MCC: variants seen among roughly 807,000 people sequenced by gnomAD.
The protein encoded by MCC is colorectal mutant cancer protein.
A neutral mutation model predicts 116.2 loss-of-function variants in MCC; 90 were observed. The ratio of observed to expected loss-of-function variants is 0.77; its 90% CI spans 0.65 to 0.92. MCC has a LOEUF of 0.92. MCC is among the 40% of genes least tolerant of loss of function. MCC has a pLI of 0.00. For missense variants in MCC, 1,516 were observed against 1,312.2 expected, an observed-to-expected ratio of 1.16 and a Z score of -2.40; for synonymous variants, 578 against 510.5, an observed-to-expected ratio of 1.13 and a Z score of -1.78.
chr5:113,312,724 C>G (rs758440781), intron 3 of MCC, among the ~76,000 whole-genome samples: 6 of 152,176 alleles, frequency 3.9e-5, no homozygotes, highest in African/African-American at 7.2e-5. Flanking sequence ...TTCTCACATG[C>G]TTACTTTGCT....
At chr5:113,111,886 C>G (rs1326450687) in intron 6 of MCC, among the ~76,000 whole-genome samples, 1 of 152,190 alleles carries the variant, frequency 6.6e-6, no homozygotes, top group Non-Finnish European at 1.5e-5. Context: ...TGGTTTTCTT[C>G]TTTCTTACTC....
chr5:113,030,421 G>A (rs1750874411), intron 17 of MCC, among the ~76,000 whole-genome samples: 1 of 152,188 alleles, frequency 6.6e-6, no homozygotes, highest in African/African-American at 2.4e-5. Context: ...ACTCATGCCT[G>A]TAATCTCAGC....
intron 3 of MCC, among the ~76,000 whole-genome samples, chr5:113,166,014 GAAGCC>G (rs1760749597): frequency 6.6e-6 from 1 of 152,156 alleles, no homozygotes; most frequent in African/African-American, 2.4e-5. Flanking sequence ...CCAAGCTCAT[GAAGCC>G]CAGCCTAATC....
intron 1 of MCC, among the ~76,000 whole-genome samples, chr5:113,468,914 G>A (rs1771995901): frequency 6.6e-6 from 1 of 152,160 alleles, no homozygotes; most frequent in South Asian, 2.1e-4. Context: ...GTCTTGGGAG[G>A]GTGTATGTGT....
chr5:113,434,823 A>G lies in MCC; in HGVS notation c.171-49611T>C. Reference sequence around the variant, plus strand: ...CAGGAGGTAGCCTCGTCGCTTGAGGACAGCAGCGTCATCCATGGTGCCAGG... The same window carrying G: ...CAGGAGGTAGCCTCGTCGCTTGAGGGCAGCAGCGTCATCCATGGTGCCAGG... On this transcript the variant is annotated intron_variant, in intron 1 of 18. Coordinates refer to ENST00000408903, the MANE Select transcript of MCC (RefSeq NM_001085377.2). This position sits in a 1 kb window ranked among gnomAD's most constrained non-coding sequence, Gnocchi z 4.2. 6.2e-7 allele frequency: 1 copy of G among 1,608,502 alleles called. No individual in the cohort carries two copies. The highest frequency in any genetic ancestry group is 1.1e-5 in the South Asian group (1 of 90,804).
At chr5:113,216,873 C>T (rs369250081) in intron 3 of MCC, among the ~76,000 whole-genome samples, 66 of 152,292 alleles carry the variant, frequency 4.3e-4, no homozygotes, top group African/African-American at 4.6e-4. Flanking sequence ...CTCTGCAAAA[C>T]GAAGACAATG....
intron 4 of MCC, among the ~76,000 whole-genome samples, chr5:113,144,469 C>A (rs551647397): frequency 3.9e-5 from 6 of 152,208 alleles, no homozygotes; most frequent in African/African-American, 1.4e-4. Context: ...TGCTTTCCAG[C>A]GTTGCAGGTT....
chr5:113,068,233 C>A, intron 12 of MCC, 50 bp from the exon 13 acceptor site: 1 of 1,431,096 alleles, frequency 7.0e-7, no homozygotes, highest in Non-Finnish European at 9.8e-7. Context: ...CAGCGGACAC[C>A]TTCAATGTGG....
intron 3 of MCC, among the ~76,000 whole-genome samples, chr5:113,256,346 A>G (rs1765002752): frequency 6.6e-6 from 1 of 152,228 alleles, no homozygotes; most frequent in South Asian, 2.1e-4. Context: ...GGTGTTGTGG[A>G]TATGCCAGAA....
At chr5:113,396,673 G>GA (rs1187290564) in intron 1 of MCC, among the ~76,000 whole-genome samples, 1 of 151,912 alleles carries the variant, frequency 6.6e-6, no homozygotes, top group Admixed American at 6.6e-5. Context: ...AGATTATTTT[G>GA]AAAAAAATCC....
At chr5:113,326,024 G>A (rs190679186) in intron 3 of MCC, among the ~76,000 whole-genome samples, 30 of 152,216 alleles carry the variant, frequency 2.0e-4, no homozygotes, top group Admixed American at 1.6e-3. Context: ...ACGAATTAGG[G>A]TTTTATTTAT....
intron 6 of MCC, among the ~76,000 whole-genome samples, chr5:113,110,978 G>A (rs1042508269): frequency 6.6e-6 from 1 of 152,120 alleles, no homozygotes; most frequent in Non-Finnish European, 1.5e-5. Context: ...AACCCACAGT[G>A]CTCCTCTGCT....
chr5:113,367,058 C>G (rs1768705794), intron 2 of MCC, among the ~76,000 whole-genome samples: 1 of 152,160 alleles, frequency 6.6e-6, no homozygotes, highest in South Asian at 2.1e-4. Context: ...TCCTCAACCT[C>G]CCAAAGTGTT....
intron 3 of MCC, among the ~76,000 whole-genome samples, chr5:113,181,208 C>T (rs1581212749): frequency 6.6e-6 from 1 of 152,190 alleles, no homozygotes; most frequent in South Asian, 2.1e-4. Context: ...TTTCCTCATT[C>T]TGCTGCTTAC....
intron 12 of MCC, among the ~76,000 whole-genome samples, 159 bp from the exon 13 acceptor site, chr5:113,068,342 T>C (rs985646133): frequency 6.6e-6 from 1 of 152,262 alleles, no homozygotes; most frequent in African/African-American, 2.4e-5. Context: ...GCAGGGCCAG[T>C]GGCTTGCTCT....
chr5:113,258,181 A>G (rs1275743029), intron 3 of MCC, among the ~76,000 whole-genome samples: 1 of 152,228 alleles, frequency 6.6e-6, no homozygotes, highest in African/African-American at 2.4e-5. Flanking sequence ...TTAAAAAACC[A>G]AAGTACAATG....
chr5:113,052,370 G>A (rs1007550442), intron 15 of MCC, among the ~76,000 whole-genome samples: 2 of 152,000 alleles, frequency 1.3e-5, no homozygotes, highest in Non-Finnish European at 2.9e-5. Context: ...AGCAATGAGA[G>A]GTGGAATCAG....
chr5:113,468,137 T>C (rs1005764989), intron 1 of MCC, among the ~76,000 whole-genome samples: 2 of 152,200 alleles, frequency 1.3e-5, no homozygotes, highest in Non-Finnish European at 2.9e-5. Context: ...ACAGGGACAA[T>C]CTGACTTCCT....
At chr5:113,143,459 A>G (rs1433242467) in intron 4 of MCC, 99 bp from the exon 5 acceptor site, 2 of 1,253,344 alleles carry the variant, frequency 1.6e-6, no homozygotes, top group Non-Finnish European at 2.3e-6. Flanking sequence ...AACTGCCAAC[A>G]CTGAGTATGC....
Sources: gnomAD v4.1 joint callset for allele counts (sites outside exome capture counted in the v4.1 genomes callset) on GRCh38, gnomAD v4.1.1 for gene constraint, Gnocchi (gnomAD v3.1) non-coding constraint, MANE v1.5 for transcripts, NCBI Gene and HGNC (gene_info 2026-07-23, HGNC 2026-07-21) for gene names.